The following FRMPD1 variants were observed in gnomAD, a reference collection of about 807,000 sequenced individuals.
FRMPD1 encodes FERM and PDZ domain containing 1, also known as FERM and PDZ domain-containing protein 1.
In FRMPD1, 76 loss-of-function variants were observed where a neutral mutation model predicts 117.8. That is an observed-to-expected ratio of 0.65 (90% CI 0.54 to 0.78). The LOEUF is 0.78. FRMPD1 is among the 30% of genes least tolerant of loss of function. The probability of loss-of-function intolerance (pLI) is 0.00; values close to 1 mark genes in which losing one functional copy is unlikely to be tolerated. For synonymous variants in FRMPD1, 783 were observed against 770.4 expected (o/e 1.02, Z -0.27); for missense variants, 1,786 against 1,964.5 (o/e 0.91, Z 1.72).
rs1588945737 is a variant in FRMPD1 at position 37,707,703 on chromosome 9, T to C, written c.259+130T>C. ...CCTGGGAAGTTAGAAAAGGCACACC[T>C]AATTCTGTCTTGGGCTTTGCACCTT... On this transcript the variant is annotated intron_variant, in intron 3 of 15. Transcript: ENST00000377765. The C allele has an allele frequency of 9.2e-6, 7 of 762,424 alleles. No homozygotes were observed. In the East Asian group the frequency reaches 1.8e-4, roughly 19 times the overall value. The allele number at this position is 762,424 out of a possible 1,614,324, so 47.2% of individuals were successfully genotyped here. A position where few individuals can be genotyped will look rare whatever the true frequency, so the allele number is the denominator to read the frequency against.
upstream of FRMPD1, among the ~76,000 whole-genome samples, chr9:37,646,809 G>A (rs575014855): frequency 7.2e-5 from 11 of 152,288 alleles, no homozygotes; most frequent in South Asian, 2.3e-3. Context: ...GGCATTCTAA[G>A]AAGGAAATTG....
chr9:37,692,038 T>C (rs144738771), intron 1 of FRMPD1, among the ~76,000 whole-genome samples: 2,324 of 152,350 alleles, frequency 0.015, 54 homozygotes, highest in African/African-American at 0.053. Context: ...TTTCACTGTC[T>C]ACATATTTTT....
chr9:37,692,195 C>G (rs983496877), intron 1 of FRMPD1, among the ~76,000 whole-genome samples: 1 of 152,138 alleles, frequency 6.6e-6, no homozygotes, highest in Non-Finnish European at 1.5e-5. Context: ...AAAGCAGCAG[C>G]GCTCAGAGGA....
At chr9:37,606,467 GC>G in the FRMPD1 span, among the ~76,000 whole-genome samples, 1 of 152,156 alleles carries the variant, frequency 6.6e-6, no homozygotes, top group Non-Finnish European at 1.5e-5. Flanking sequence ...TGGTCACACT[GC>G]CCATGGACAA....
the FRMPD1 span, among the ~76,000 whole-genome samples, chr9:37,637,963 G>GCTTTCTTTCTTTCTTTCTTT: frequency 2.4e-3 from 245 of 100,118 alleles, 27 homozygotes; most frequent in Admixed American, 4.4e-3. Context: ...AATGGTGTAT[G>GCTTTCTTTCTTTCTTTCTTT]CTTTCTTTCT....
chr9:37,651,545 C>T (rs1231060786), intron 1 of FRMPD1, among the ~76,000 whole-genome samples: 1 of 152,238 alleles, frequency 6.6e-6, no homozygotes, highest in Non-Finnish European at 1.5e-5. Context: ...AGTAGAGGGG[C>T]ATCCCTGAGT....
At chr9:37,716,860 C>T (rs1249642488) in intron 5 of FRMPD1, among the ~76,000 whole-genome samples, 2 of 152,110 alleles carry the variant, frequency 1.3e-5, no homozygotes, top group African/African-American at 2.4e-5. Context: ...GTTCCTTGAC[C>T]TTGCCCCCCA....
At chr9:37,632,039 G>T in the FRMPD1 span, among the ~76,000 whole-genome samples, 6 of 152,142 alleles carry the variant, frequency 3.9e-5, no homozygotes, top group Admixed American at 1.3e-4. Flanking sequence ...TGCTGGTCCT[G>T]CCAGTATCTA....
chr9:37,745,630 C>G lies in FRMPD1; in HGVS notation c.3598C>G (p.Leu1200Val). The G allele has an allele frequency of 6.2e-7, 1 of 1,614,154 alleles. No individual in the cohort carries two copies. Among genetic ancestry groups the G allele is most frequent in the East Asian group, 2.2e-5 (1 of 44,880 alleles). Residue 1200 changes from leucine (L) to valine (V), a missense_variant, in exon 16 of 16, where the codon CTA becomes GTA. By Grantham distance (32) the Leu-to-Val change is conservative. Coordinates refer to ENST00000377765, the MANE Select transcript of FRMPD1 (RefSeq NM_014907.3). Reference protein sequence around the residue: ...GQGCQAQEQKLFVELDLDPDF... With the variant: ...GQGCQAQEQKVFVELDLDPDF... Reference sequence around the variant, plus strand: ...AGGCTGCCAGGCTCAAGAACAAAAACTATTCGTAGAGTTGGATTTAGACCC... The same window carrying G: ...AGGCTGCCAGGCTCAAGAACAAAAAGTATTCGTAGAGTTGGATTTAGACCC...
At chr9:37,713,386 G>A (rs930042362) in intron 5 of FRMPD1, among the ~76,000 whole-genome samples, 10 of 152,058 alleles carry the variant, frequency 6.6e-5, no homozygotes, top group African/African-American at 2.4e-4. Flanking sequence ...TGAGGGTGGC[G>A]GATAGCTTGA....
chr9:37,616,040 C>T, the FRMPD1 span, among the ~76,000 whole-genome samples: 2 of 151,546 alleles, frequency 1.3e-5, no homozygotes, highest in African/African-American at 4.9e-5. Context: ...TGGTCTTGAA[C>T]TCCTGACCTC....
chr9:37,650,988 T>G lies in FRMPD1; in HGVS notation c.-111T>G, dbSNP rs1363698454. The G allele has an allele frequency of 6.6e-6, 1 of 151,714 alleles. No homozygotes were observed. The highest frequency in any genetic ancestry group is 6.6e-5 in the Admixed American group (1 of 15,244). The allele number at this position is 151,714 out of a possible 1,614,324, so 9.4% of individuals were successfully genotyped here. A position where few individuals can be genotyped will look rare whatever the true frequency, so the allele number is the denominator to read the frequency against. ...CCGAGCCGAGCCCGAGCAGCGCTGC[T>G]TCCCGAGCCTTGGCCGCGACCGTGC... On this transcript the variant is annotated 5_prime_UTR_variant, in exon 1 of 16. Coordinates refer to ENST00000377765, the MANE Select transcript of FRMPD1 (RefSeq NM_014907.3).
chr9:37,720,440 A>G (rs1025710784), intron 6 of FRMPD1, among the ~76,000 whole-genome samples: 9 of 152,276 alleles, frequency 5.9e-5, no homozygotes, highest in African/African-American at 2.2e-4. Context: ...CGAGGCGGGC[A>G]GATCACAAGG....
intron 1 of FRMPD1, among the ~76,000 whole-genome samples, chr9:37,660,694 G>C (rs182400656): frequency 1.3e-5 from 2 of 152,144 alleles, no homozygotes; most frequent in African/African-American, 4.8e-5. Context: ...ATCTTTTCCA[G>C]ACTTTGGGAG....
At chr9:37,725,396 CAGT>C (rs1201032100) in intron 7 of FRMPD1, among the ~76,000 whole-genome samples, 1 of 152,204 alleles carries the variant, frequency 6.6e-6, no homozygotes, top group African/African-American at 2.4e-5. Flanking sequence ...AGGGGACAAA[CAGT>C]AGCCAAGACA....
rs1025749459 is a variant in FRMPD1, at chr9:37,740,127, C to T, written c.1599C>T (p.Asp533=). The change falls in exon 15 of 16, where the codon GAC becomes GAT. Residue 533 remains aspartate, a synonymous_variant. Coordinates refer to ENST00000377765, the MANE Select transcript of FRMPD1 (RefSeq NM_014907.3). The surrounding 1 kb of genome is among the most constrained non-coding windows in gnomAD (Gnocchi z 4.2). ...CSDSEESSEV[D]CVLEPLSDRR... ...ACTCAGAGGAGTCCTCTGAGGTGGA[C>T]TGCGTACTCGAACCTCTCTCTGACA... 2 of 1,613,526 alleles carry T rather than the reference C, an allele frequency of 1.2e-6. No homozygotes were observed. Among genetic ancestry groups the T allele is most frequent in the Middle Eastern group, 1.7e-4 (1 of 6,054 alleles).
intron 2 of FRMPD1, among the ~76,000 whole-genome samples, chr9:37,702,598 G>C (rs994103463): frequency 4.6e-5 from 7 of 152,188 alleles, no homozygotes; most frequent in Admixed American, 4.6e-4. Flanking sequence ...AACTGTTAGA[G>C]GTAAGATCAG....
chr9:37,745,744 G>T lies in FRMPD1; in HGVS notation c.3712G>T (p.Asp1238Tyr), dbSNP rs62640014. Reference sequence around the variant, plus strand: ...GGCACCTAACCATGTGACAGGGCAAGATATAGCCCCTAGGGACAGCCCTGA... The same window carrying T: ...GGCACCTAACCATGTGACAGGGCAATATATAGCCCCTAGGGACAGCCCTGA... ...AEAPNHVTGQ[D>Y]IAPRDSPEWV... is the part of the protein sequence containing the mutation. The change falls in exon 16 of 16, where the codon GAT becomes TAT. Residue 1238 changes from aspartate (D) to tyrosine (Y), a missense_variant. Physicochemically the swap from Asp to Tyr is radical, Grantham distance 160 (BLOSUM62 -3). Transcript: ENST00000377765. The T allele has an allele frequency of 6.5e-4, 1,043 of 1,614,180 alleles. 7 individuals carry two copies. The African/African-American group carries it at 0.012, about 18-fold the overall frequency.
intron 6 of FRMPD1, among the ~76,000 whole-genome samples, chr9:37,720,998 C>T (rs1438269981): frequency 1.3e-5 from 2 of 152,216 alleles, no homozygotes; most frequent in African/African-American, 2.4e-5. Flanking sequence ...AATAAAGGCA[C>T]GACAGGTGTG....
Sources: allele counts gnomAD v4.1 joint callset (sites outside exome capture counted in the v4.1 genomes callset), GRCh38; gene constraint gnomAD v4.1.1; non-coding constraint Gnocchi (gnomAD v3.1); transcripts MANE v1.5; gene names NCBI Gene and HGNC (gene_info 2026-07-23, HGNC 2026-07-21).